PKIB: variants seen among roughly 807,000 people sequenced by gnomAD.
PKIB encodes cAMP-dependent protein kinase inhibitor beta.
PKIB carries 2 observed loss-of-function variants against 4.5 expected under a neutral mutation model. The ratio of observed to expected loss-of-function variants is 0.44; its 90% CI spans 0.18 to 1.39. The LOEUF (loss-of-function observed/expected upper bound fraction) is 1.39, where lower values mean the gene tolerates loss of function less well. Ranked by LOEUF, PKIB falls within the 40% of genes most tolerant of loss-of-function variation. The pLI is 0.27. For synonymous variants in PKIB, 38 were observed against 36.0 expected (o/e 1.06, Z -0.20); for missense variants, 94 against 92.6 (o/e 1.02, Z -0.06).
At chr6:122,574,394 C>G (rs1056994549) in intron 2 of PKIB, among the ~76,000 whole-genome samples, 14 of 152,028 alleles carry the variant, frequency 9.2e-5, no homozygotes, top group Non-Finnish European at 1.9e-4. Context: ...TCGTTCCCCA[C>G]AGAACTAGAA....
In PKIB at chr6:122,710,475, C is replaced by G. The variant is rs892230726; in HGVS notation, c.-8-7312C>G. ...TGTGTACTTGGAGTGTATTTGTGCC[C>G]CCTTTGAAATCTAAGAATACTTTGT... On this transcript the variant is annotated intron_variant, in intron 3 of 4. Transcript: ENST00000368452. Among the ~76,000 whole-genome samples the G allele has an allele frequency of 2.6e-5, 4 of 152,160 alleles. No individual in the cohort carries two copies. The South Asian group carries it at 6.2e-4, about 24-fold the overall frequency.
At chr6:122,705,792 C>T (rs909253529) in intron 3 of PKIB, among the ~76,000 whole-genome samples, 5 of 152,068 alleles carry the variant, frequency 3.3e-5, no homozygotes, top group African/African-American at 1.2e-4. Flanking sequence ...GTCTCGATCT[C>T]CTGACCTTGT....
intron 3 of PKIB, among the ~76,000 whole-genome samples, chr6:122,599,457 G>A (rs777831224): frequency 2.6e-5 from 4 of 152,130 alleles, no homozygotes; most frequent in Non-Finnish European, 5.9e-5. Context: ...CCACTCGCAC[G>A]ATAAGAGCTT....
At chr6:122,540,222 G>T (rs1043525581) in intron 2 of PKIB, among the ~76,000 whole-genome samples, 17 of 151,882 alleles carry the variant, frequency 1.1e-4, no homozygotes, top group Non-Finnish European at 2.4e-4. Context: ...CCTTCTGCTA[G>T]CTTTTGAATG....
chr6:122,580,161 G>A (rs1773663359), intron 2 of PKIB, among the ~76,000 whole-genome samples: 1 of 152,052 alleles, frequency 6.6e-6, no homozygotes, highest in South Asian at 2.1e-4. Flanking sequence ...AAAAAAACTA[G>A]AAAGTTCTAT....
chr6:122,694,504 C>CT (rs1347270651), intron 3 of PKIB, among the ~76,000 whole-genome samples: 1 of 152,184 alleles, frequency 6.6e-6, no homozygotes, highest in Non-Finnish European at 1.5e-5. Flanking sequence ...TTTAAATTCA[C>CT]TTTTTCAGTC....
intron 2 of PKIB, among the ~76,000 whole-genome samples, chr6:122,662,266 A>AAC (rs1554229182): frequency 2.9e-5 from 4 of 138,406 alleles, no homozygotes; most frequent in Non-Finnish European, 4.6e-5. Context: ...TGATTGCCTA[A>AAC]ACCAAGGTCT....
intron 2 of PKIB, among the ~76,000 whole-genome samples, chr6:122,571,783 T>G (rs1385638328): frequency 6.6e-6 from 1 of 152,172 alleles, no homozygotes; most frequent in Non-Finnish European, 1.5e-5. Context: ...TGGAACCTCC[T>G]TAAAGCATAA....
chr6:122,575,048 C>CAAT (rs911897238), intron 2 of PKIB, among the ~76,000 whole-genome samples: 5 of 151,682 alleles, frequency 3.3e-5, no homozygotes, highest in African/African-American at 1.2e-4. Context: ...AACAAATCAG[C>CAAT]AATAATAATA....
chr6:122,661,399 A>G (rs529567208), intron 2 of PKIB, among the ~76,000 whole-genome samples: 1 of 151,996 alleles, frequency 6.6e-6, no homozygotes, highest in East Asian at 1.9e-4. Flanking sequence ...GCCACCACAA[A>G]TTTTTCTTGT....
chr6:122,554,434 G>GTT (rs1322061337), intron 2 of PKIB, among the ~76,000 whole-genome samples: 18 of 152,314 alleles, frequency 1.2e-4, no homozygotes, highest in African/African-American at 4.3e-4. Context: ...GATTGTCCAT[G>GTT]CAATGCCTCT....
chr6:122,503,818 A>G (rs1453391732), intron 2 of PKIB, among the ~76,000 whole-genome samples: 1 of 152,188 alleles, frequency 6.6e-6, no homozygotes, highest in Non-Finnish European at 1.5e-5. Flanking sequence ...TTTCCAAATA[A>G]ACTGGGGACT....
At chr6:122,577,608 G>A (rs1280064615) in intron 2 of PKIB, among the ~76,000 whole-genome samples, 3 of 151,986 alleles carry the variant, frequency 2.0e-5, no homozygotes, top group African/African-American at 7.3e-5. Context: ...TTTTATATGG[G>A]GAAGAAATAA....
intron 4 of PKIB, among the ~76,000 whole-genome samples, chr6:122,721,580 C>T (rs536193903): frequency 1.3e-5 from 2 of 151,904 alleles, no homozygotes; most frequent in Middle Eastern, 3.4e-3. Flanking sequence ...CTGGGAGGCA[C>T]TCTAAAAATG....
At chr6:122,651,598 A>G (rs1179240251) in intron 2 of PKIB, among the ~76,000 whole-genome samples, 1 of 152,192 alleles carries the variant, frequency 6.6e-6, no homozygotes, top group East Asian at 1.9e-4. Context: ...ATATGTCCCC[A>G]TTCTAATTTT....
At chr6:122,528,604 TCTGTGGGC>T (rs1777164437) in intron 2 of PKIB, among the ~76,000 whole-genome samples, 1 of 152,098 alleles carries the variant, frequency 6.6e-6, no homozygotes, top group Non-Finnish European at 1.5e-5. Context: ...AGAACGTTAA[TCTGTGGGC>T]CAAGTGTGGT....
rs150339565 is a variant in PKIB at position 122,503,487 on chromosome 6, G to A, written c.-248+25548G>A. On this transcript the variant is annotated intron_variant, in intron 2 of 6. Coordinates refer to the PKIB transcript ENST00000392491. ...AGAAGAGTTTATTTTATATTTCAGC[G>A]TGACTGAGTCCAGGGATTTAAATGA... Among the ~76,000 whole-genome samples, 99 of 152,220 alleles carry A rather than the reference G, an allele frequency of 6.5e-4. 1 individual carries two copies. The East Asian group carries it at 0.014, about 22-fold the overall frequency.
intron 2 of PKIB, among the ~76,000 whole-genome samples, chr6:122,663,683 C>T (rs914889512): frequency 6.6e-6 from 1 of 152,164 alleles, no homozygotes; most frequent in African/African-American, 2.4e-5. Context: ...ACGTTGTCTT[C>T]CCTCCTTTTA....
At chr6:122,688,519 T>C (rs1297914320) in intron 3 of PKIB, among the ~76,000 whole-genome samples, 1 of 152,128 alleles carries the variant, frequency 6.6e-6, no homozygotes, top group African/African-American at 2.4e-5. Flanking sequence ...ATACTTTGAG[T>C]AGGACTGGTA....
Sources: allele counts gnomAD v4.1 joint callset (sites outside exome capture counted in the v4.1 genomes callset), GRCh38; gene constraint gnomAD v4.1.1; transcripts MANE v1.5; gene names NCBI Gene and HGNC (gene_info 2026-07-23, HGNC 2026-07-21).